Variants in PEX2 observed in about 807,000 individuals in gnomAD.
PEX2 encodes the protein peroxisomal biogenesis factor 2, also known as peroxisome biogenesis factor 2.
A neutral mutation model predicts 25.2 loss-of-function variants in PEX2; 19 were observed. The ratio of observed to expected loss-of-function variants is 0.75; its 90% confidence interval spans 0.53 to 1.10. PEX2 has a LOEUF of 1.10. Ranked by LOEUF, PEX2 falls within the 50% of genes least tolerant of loss-of-function variation. The probability of loss-of-function intolerance (pLI) is 0.00; values close to 1 mark genes in which losing one functional copy is unlikely to be tolerated. For missense variants in PEX2, 347 were observed against 350.6 expected, an observed-to-expected ratio of 0.99 and a Z score of 0.08; for synonymous variants, 141 against 127.7, an observed-to-expected ratio of 1.10 and a Z score of -0.70.
intron 3 of PEX2, 129 bp from the exon 4 acceptor site, chr8:76,984,324 T>C: frequency 1.5e-6 from 1 of 688,300 alleles, no homozygotes; most frequent in Non-Finnish European, 2.5e-6. Flanking sequence ...TTCAGTAGTC[T>C]CAAATAGTAC....
chr8:76,997,172 T>A (rs961162164), intron 1 of PEX2, among the ~76,000 whole-genome samples: 17 of 152,220 alleles, frequency 1.1e-4, no homozygotes, highest in African/African-American at 4.1e-4. Context: ...CCTGCTTCAC[T>A]ATACATGTGG....
intron 3 of PEX2, 30 bp from the exon 4 acceptor site, chr8:76,984,225 G>A: frequency 1.3e-6 from 2 of 1,561,330 alleles, no homozygotes; most frequent in Admixed American, 1.7e-5. Flanking sequence ...AAGAACATTA[G>A]CAAAGAGTTG....
intron 1 of PEX2, among the ~76,000 whole-genome samples, chr8:76,996,405 C>G (rs527447167): frequency 6.6e-6 from 1 of 152,098 alleles, no homozygotes; most frequent in Non-Finnish European, 1.5e-5. Context: ...ACTGACAACG[C>G]GGTAATGGAC....
chr8:76,989,327 C>A (rs1409219120), intron 1 of PEX2, among the ~76,000 whole-genome samples: 1 of 152,192 alleles, frequency 6.6e-6, no homozygotes, highest in Non-Finnish European at 1.5e-5. Context: ...CCACTGAAGT[C>A]TTGAACTCCT....
chr8:76,997,904 T>C (rs777122163), intron 1 of PEX2, among the ~76,000 whole-genome samples: 7 of 152,274 alleles, frequency 4.6e-5, no homozygotes, highest in African/African-American at 7.2e-5. Flanking sequence ...AGAGCAGGAT[T>C]ACAGACAGGG....
rs1033322496 is a variant in PEX2 at position 76,981,664 on chromosome 8, A to G, written c.*1597T>C. ...ATGCTATTTTTTATGCATTATAATA[A>G]TTTTGTAAATAAGAAATGTACGTGC... is the stretch of plus-strand genomic sequence containing the variant. On this transcript the variant is annotated 3_prime_UTR_variant, in exon 4 of 4. Coordinates refer to ENST00000357039, the MANE Select transcript of PEX2 (RefSeq NM_000318.3). 2 of 152,196 alleles carry G rather than the reference A, an allele frequency of 1.3e-5. No homozygotes were observed. The highest frequency in any genetic ancestry group is 4.8e-5 in the African/African-American group (2 of 41,446). 9.4% of individuals were successfully genotyped at this position (152,196 alleles called of 1,614,324 possible). A position where few individuals can be genotyped will look rare whatever the true frequency, so the allele number is the denominator to read the frequency against.
At chr8:76,984,745 G>C (rs773852982) in intron 3 of PEX2, among the ~76,000 whole-genome samples, 3 of 152,082 alleles carry the variant, frequency 2.0e-5, no homozygotes, top group Non-Finnish European at 2.9e-5. Context: ...CATTTTATAT[G>C]TGTAAAGGAA....
chr8:76,995,765 T>C (rs1179177344), intron 1 of PEX2, among the ~76,000 whole-genome samples: 1 of 152,206 alleles, frequency 6.6e-6, no homozygotes, highest in Non-Finnish European at 1.5e-5. Context: ...GAATGCTTAT[T>C]GTGAAAATAA....
chr8:77,000,813 G>GTTACCCGTATCC (rs1441719651), upstream of PEX2: 1 of 152,366 alleles, frequency 6.6e-6, no homozygotes, highest in East Asian at 1.9e-4. Flanking sequence ...AATTCGGGCA[G>GTTACCCGTATCC]CCAGCTCGCC....
chr8:76,986,878 T>C (rs1041980526), intron 2 of PEX2, among the ~76,000 whole-genome samples: 1 of 152,152 alleles, frequency 6.6e-6, no homozygotes, highest in African/African-American at 2.4e-5. Context: ...TGAAGATTAT[T>C]TGAGCCTTAT....
chr8:76,993,711 C>T (rs760033242), intron 1 of PEX2, among the ~76,000 whole-genome samples: 3 of 152,064 alleles, frequency 2.0e-5, no homozygotes, highest in Non-Finnish European at 4.4e-5. Flanking sequence ...ATTGAACCAC[C>T]ATTAAATTTA....
At chr8:76,985,170 C>T (rs1302405726) in intron 3 of PEX2, among the ~76,000 whole-genome samples, 2 of 46,758 alleles carry the variant, frequency 4.3e-5, no homozygotes, top group South Asian at 2.3e-3. Flanking sequence ...CAAATCCACC[C>T]ATGACAAAAA....
At chr8:76,985,225 A>C (rs1242756740) in intron 3 of PEX2, among the ~76,000 whole-genome samples, 1 of 151,628 alleles carries the variant, frequency 6.6e-6, no homozygotes, top group Admixed American at 6.6e-5. Context: ...AATGGACCTC[A>C]GTATGATCTC....
chr8:76,988,174 T>C (rs933809513), intron 2 of PEX2, 133 bp downstream of exon 2: 1 of 152,200 alleles, frequency 6.6e-6, no homozygotes, highest in Non-Finnish European at 1.5e-5. Context: ...ATGATAAAGA[T>C]ACATATATCT....
intron 1 of PEX2, among the ~76,000 whole-genome samples, chr8:76,992,785 A>T (rs1262515741): frequency 1.3e-5 from 2 of 152,198 alleles, no homozygotes; most frequent in Non-Finnish European, 2.9e-5. Context: ...TTCAATCTAA[A>T]TATTTAACTG....
At chr8:76,994,497 A>G (rs964909277) in intron 1 of PEX2, among the ~76,000 whole-genome samples, 2 of 152,202 alleles carry the variant, frequency 1.3e-5, no homozygotes, top group Admixed American at 1.3e-4. Flanking sequence ...CATCTCCTAC[A>G]TCGCTGCTAT....
chr8:76,998,266 G>A (rs901660321), intron 1 of PEX2, among the ~76,000 whole-genome samples: 6 of 152,162 alleles, frequency 3.9e-5, no homozygotes, highest in African/African-American at 1.4e-4. Flanking sequence ...GTGTGATGAT[G>A]AGCAAGCCTG....
intron 1 of PEX2, among the ~76,000 whole-genome samples, chr8:76,997,404 A>C (rs1456969118): frequency 6.6e-6 from 1 of 152,188 alleles, no homozygotes; most frequent in African/African-American, 2.4e-5. Flanking sequence ...CCCTGTCTCT[A>C]CTAAAAATAC....
Position 76,982,101 on chromosome 8 carries a change from A to G in PEX2, c.*1160T>C, listed in dbSNP as rs1194495840. ...CAAGATGTTTATTTAAAAACATTTA[A>G]AAACTGTTTTTTAAAAAACATTCTA... On this transcript the variant is annotated 3_prime_UTR_variant, in exon 4 of 4. Transcript: ENST00000357039. 6.6e-6 allele frequency: 1 copy of G among 152,228 alleles called. No individual in the cohort carries two copies. The highest frequency in any genetic ancestry group is 2.4e-5 in the African/African-American group (1 of 41,464). 9.4% of individuals were successfully genotyped at this position (152,228 alleles called of 1,614,324 possible). A position where few individuals can be genotyped will look rare whatever the true frequency, so the allele number is the denominator to read the frequency against.
Sources: gnomAD v4.1 joint callset for allele counts (sites outside exome capture counted in the v4.1 genomes callset) on GRCh38, gnomAD v4.1.1 for gene constraint, MANE v1.5 for transcripts, NCBI Gene and HGNC (gene_info 2026-07-23, HGNC 2026-07-21) for gene names.